The following HPCAL1 variants were observed in gnomAD, a reference collection of about 807,000 sequenced individuals.
The protein encoded by HPCAL1 is hippocalcin like 1.
HPCAL1 carries 8 observed loss-of-function variants against 17.1 expected under a neutral mutation model. That is an observed-to-expected ratio of 0.47 (90% CI 0.27 to 0.84). The LOEUF is 0.84. Among genes scored for constraint, HPCAL1 ranks in the 40% least tolerant of loss-of-function variants. HPCAL1 has a pLI of 0.13. For synonymous variants in HPCAL1, 112 were observed against 111.4 expected, an observed-to-expected ratio of 1.01 and a Z score of -0.03; for missense variants, 165 against 271.1, an observed-to-expected ratio of 0.61 and a Z score of 2.75.
At chr2:10,423,462 G>A (rs1408877152) in intron 4 of HPCAL1, 1 of 222,492 alleles carries the variant, frequency 4.5e-6, no homozygotes, top group African/African-American at 2.3e-5. Context: ...TTGGGGTCCT[G>A]GGGTGCTGGC....
At chr2:10,340,826 T>G (rs1665034856) in intron 1 of HPCAL1, among the ~76,000 whole-genome samples, 1 of 152,164 alleles carries the variant, frequency 6.6e-6, no homozygotes, top group African/African-American at 2.4e-5. Flanking sequence ...CCTCCCCTGT[T>G]CCTGAATCCC....
Position 10,377,229 on chromosome 2 carries a change from A to G in HPCAL1, c.-110-19606A>G, listed in dbSNP as rs777400662. ...GAGAGGTGTGAGGAGGCTGCCACGC[A>G]GGCCGCGCCGCCCCGAATGGCAGGT... is the stretch of plus-strand genomic sequence containing the variant. On this transcript the variant is annotated intron_variant, in intron 1 of 4. Coordinates refer to ENST00000307845, the MANE Select transcript of HPCAL1 (RefSeq NM_002149.4). This position sits in a 1 kb window ranked among gnomAD's most constrained non-coding sequence, Gnocchi z 5.9. Among the ~76,000 whole-genome samples the G allele has an allele frequency of 3.9e-5, 6 of 152,166 alleles. No individual in the cohort carries two copies. Among genetic ancestry groups the G allele is most frequent in the Non-Finnish European group, 8.8e-5 (6 of 68,022 alleles).
At chr2:10,403,870 T>C (rs1669799509) in intron 2 of HPCAL1, among the ~76,000 whole-genome samples, 2 of 152,130 alleles carry the variant, frequency 1.3e-5, no homozygotes, top group African/African-American at 4.8e-5. Context: ...TTTCAGGTAT[T>C]TTTTTGACTC....
chr2:10,360,315 A>C (rs1187591752), intron 1 of HPCAL1, among the ~76,000 whole-genome samples: 1 of 152,204 alleles, frequency 6.6e-6, no homozygotes, highest in African/African-American at 2.4e-5. Flanking sequence ...GTTTCATGGG[A>C]GACTTCTCTC....
intron 1 of HPCAL1, among the ~76,000 whole-genome samples, chr2:10,315,209 G>T (rs1163678035): frequency 6.6e-6 from 1 of 151,900 alleles, no homozygotes; most frequent in Non-Finnish European, 1.5e-5. Context: ...AGGAGAATAG[G>T]GTGAACCCAG....
chr2:10,322,871 C>T (rs546864499), intron 1 of HPCAL1, among the ~76,000 whole-genome samples: 44 of 152,312 alleles, frequency 2.9e-4, no homozygotes, highest in African/African-American at 9.6e-4. Flanking sequence ...CCGCTTGTCA[C>T]GTTTTATGTT....
rs1003543539 is a variant in HPCAL1, at chr2:10,359,255, T to C, written c.-110-37580T>C. Among the ~76,000 whole-genome samples, 2 of 152,080 alleles carry C rather than the reference T, an allele frequency of 1.3e-5. No individual in the cohort carries two copies. Among genetic ancestry groups the C allele is most frequent in the African/African-American group, 4.8e-5 (2 of 41,404 alleles). On this transcript the variant is annotated intron_variant, in intron 1 of 4. Coordinates refer to ENST00000307845, the MANE Select transcript of HPCAL1 (RefSeq NM_002149.4). This position sits in a 1 kb window ranked among gnomAD's most constrained non-coding sequence, Gnocchi z 4.1. ...TCCATGGGTGTCTGGTGTGTGCCTATGTTTGCTGCGGGCTGGCTCGGCGAG... is the reference window on the plus strand; with the variant it reads ...TCCATGGGTGTCTGGTGTGTGCCTACGTTTGCTGCGGGCTGGCTCGGCGAG...
chr2:10,387,985 G>C (rs1289275432), intron 1 of HPCAL1, among the ~76,000 whole-genome samples: 1 of 152,178 alleles, frequency 6.6e-6, no homozygotes, highest in African/African-American at 2.4e-5. Flanking sequence ...ATGCAGGGGT[G>C]GAGGGAGGCC....
intron 1 of HPCAL1, among the ~76,000 whole-genome samples, chr2:10,350,471 C>T (rs929589521): frequency 1.3e-5 from 2 of 151,982 alleles, no homozygotes; most frequent in African/African-American, 4.8e-5. Flanking sequence ...GCCACCATGC[C>T]TGGCTAATTT....
At chr2:10,339,082 C>G (rs1402276445) in intron 1 of HPCAL1, among the ~76,000 whole-genome samples, 4 of 152,100 alleles carry the variant, frequency 2.6e-5, no homozygotes, top group Non-Finnish European at 5.9e-5. Flanking sequence ...CATGCCAGGA[C>G]TTGTTTGCAC....
rs2125448584 is a variant in HPCAL1, at chr2:10,344,345, T to C, written c.-111+41168T>C. On this transcript the variant is annotated intron_variant, in intron 1 of 4. Transcript: ENST00000307845. The surrounding 1 kb of genome is among the most constrained non-coding windows in gnomAD (Gnocchi z 4.9). ...CCCATCCCTGCCTGAGCAGGCCATG[T>C]GCCAGCAAGGGGGGCCCCGAAGTGC... Among the ~76,000 whole-genome samples the C allele has an allele frequency of 6.6e-6, 1 of 152,314 alleles. No homozygotes were observed. Among genetic ancestry groups the C allele is most frequent in the Non-Finnish European group, 1.5e-5 (1 of 68,034 alleles).
rs115060162 is a variant in HPCAL1 at position 10,423,416 on chromosome 2, G to A, written c.484+328G>A. On this transcript the variant is annotated intron_variant, in intron 4 of 4. Transcript: ENST00000307845. ...GGGAGGCAAGCATGCTGGTGGCCCT[G>A]AACCTGGAGGGGTTGAGATCAAAGG... The A allele has an allele frequency of 4.2e-3, 1,127 of 266,400 alleles. 13 individuals are homozygous for A. Among genetic ancestry groups the A allele is most frequent in the African/African-American group, 0.024 (1,073 of 45,430 alleles). The allele number at this position is 266,400 out of a possible 1,614,324, so 16.5% of individuals were successfully genotyped here.
In HPCAL1 at chr2:10,426,936, G is replaced by T; in HGVS notation, c.*115G>T. 1.0e-6 allele frequency: 1 copy of T among 966,842 alleles called. No homozygotes were observed. The highest frequency in any genetic ancestry group is 1.6e-6 in the Non-Finnish European group (1 of 624,942). 59.9% of individuals were successfully genotyped at this position (966,842 alleles called of 1,614,324 possible). The stretch of plus-strand genomic sequence containing the variant: ...CTGCTCTCCCGGGCCCCGGGCCTGG[G>T]GCATGCGTTGCACCTGCCCAGCCCG... On this transcript the variant is annotated 3_prime_UTR_variant, in exon 5 of 5. Coordinates refer to ENST00000307845, the MANE Select transcript of HPCAL1 (RefSeq NM_002149.4).
intron 1 of HPCAL1, among the ~76,000 whole-genome samples, chr2:10,338,975 C>T (rs1664896819): frequency 6.6e-6 from 1 of 152,106 alleles, no homozygotes; most frequent in Admixed American, 6.5e-5. Context: ...CTCAAAGCAG[C>T]CCTGTGGCAC....
chr2:10,369,732 A>T (rs1297817029), intron 1 of HPCAL1, among the ~76,000 whole-genome samples: 1 of 152,212 alleles, frequency 6.6e-6, no homozygotes, highest in African/African-American at 2.4e-5. Flanking sequence ...GTCCATTGGA[A>T]ACTGTCACCA....
rs1572801402 is a variant in HPCAL1 at position 10,394,642 on chromosome 2, T to C, written c.-110-2193T>C. On this transcript the variant is annotated intron_variant, in intron 1 of 4. Transcript: ENST00000307845. The surrounding 1 kb of genome is among the most constrained non-coding windows in gnomAD (Gnocchi z 5.0). ...TAACGTGAGCTGCGGACCTGGGGGG[T>C]GATGATGGTCAGTGCAGGTCCCTCA... Among the ~76,000 whole-genome samples, 1 of 150,694 alleles carries C rather than the reference T, an allele frequency of 6.6e-6. No homozygotes were observed. The highest frequency in any genetic ancestry group is 6.6e-5 in the Admixed American group (1 of 15,142).
Position 10,321,980 on chromosome 2 carries a change from C to T in HPCAL1, c.-111+18803C>T, listed in dbSNP as rs367816443. ...TTTTTGTGGATGTATGTTTTCATTT[C>T]TCTTAGGCAAATAGAGAGACACAAT... On this transcript the variant is annotated intron_variant, in intron 1 of 4. Transcript: ENST00000307845. Among the ~76,000 whole-genome samples the T allele has an allele frequency of 2.6e-5, 4 of 152,196 alleles. No individual in the cohort carries two copies. In the East Asian group the frequency reaches 7.7e-4, roughly 29 times the overall value.
chr2:10,418,459 A>C (rs1025387093), intron 2 of HPCAL1, among the ~76,000 whole-genome samples: 4 of 150,674 alleles, frequency 2.7e-5, no homozygotes, highest in African/African-American at 4.9e-5. Flanking sequence ...AAAAAAAAAA[A>C]AAAAAAAAAA....
At chr2:10,420,434 G>A (rs150518806) in intron 3 of HPCAL1, among the ~76,000 whole-genome samples, 1 of 152,134 alleles carries the variant, frequency 6.6e-6, no homozygotes, top group African/African-American at 2.4e-5. Flanking sequence ...AGGCTCAAGC[G>A]ATCTGCCCGC....
Sources: gnomAD v4.1 joint callset for allele counts (sites outside exome capture counted in the v4.1 genomes callset) on GRCh38, gnomAD v4.1.1 for gene constraint, Gnocchi (gnomAD v3.1) non-coding constraint, MANE v1.5 for transcripts, NCBI Gene and HGNC (gene_info 2026-07-23, HGNC 2026-07-21) for gene names.